SLC35F4: variants seen among roughly 807,000 people sequenced by gnomAD.
SLC35F4 encodes chromosome 14 open reading frame 36.
Under a neutral mutation model 44.2 loss-of-function variants are expected in SLC35F4, and 24 were observed. That is an observed-to-expected ratio of 0.54 (90% CI 0.39 to 0.76). The LOEUF (loss-of-function observed/expected upper bound fraction) is 0.76. Ranked by LOEUF, SLC35F4 falls within the 30% of genes least tolerant of loss-of-function variation. The pLI, the probability that SLC35F4 is intolerant of heterozygous loss-of-function variation, is 0.00. For synonymous variants in SLC35F4, 238 were observed against 223.6 expected (o/e 1.06, Z -0.57); for missense variants, 562 against 586.1 (o/e 0.96, Z 0.42).
chr14:57,630,732 A>C (rs1029081305), intron 1 of SLC35F4: 2 of 527,874 alleles, frequency 3.8e-6, no homozygotes, highest in African/African-American at 3.8e-5. Flanking sequence ...TCATTCACTT[A>C]TTCATAGTTT....
At chr14:57,833,943 A>G (rs563228144) in intron 1 of SLC35F4, among the ~76,000 whole-genome samples, 71 of 152,358 alleles carry the variant, frequency 4.7e-4, no homozygotes, top group African/African-American at 1.6e-3. Context: ...TTACCATAGG[A>G]ATCTTTTTGT....
intron 1 of SLC35F4, among the ~76,000 whole-genome samples, chr14:57,967,242 A>T (rs994170197): frequency 1.7e-4 from 25 of 151,318 alleles, no homozygotes; most frequent in Non-Finnish European, 2.9e-5. Context: ...TTAATTGTGT[A>T]AGTATAAATA....
intron 1 of SLC35F4, among the ~76,000 whole-genome samples, chr14:57,811,992 AAAT>A (rs1404735293): frequency 2.0e-5 from 3 of 152,106 alleles, no homozygotes; most frequent in African/African-American, 7.2e-5. Context: ...TAAAAATAAA[AAAT>A]AATAATAAGG....
chr14:57,656,657 A>G (rs971419838), intron 1 of SLC35F4, among the ~76,000 whole-genome samples: 1 of 152,020 alleles, frequency 6.6e-6, no homozygotes, highest in African/African-American at 2.4e-5. Context: ...CCCTCTGTAA[A>G]GTGGGGATAA....
intron 1 of SLC35F4, among the ~76,000 whole-genome samples, chr14:57,905,510 T>C (rs1889090134): frequency 6.6e-6 from 1 of 152,262 alleles, no homozygotes; most frequent in African/African-American, 2.4e-5. Flanking sequence ...GCTAGTCCTC[T>C]GGCACTTAGC....
chr14:57,915,588 A>G (rs7145786), intron 1 of SLC35F4, among the ~76,000 whole-genome samples: 2 of 151,990 alleles, frequency 1.3e-5, no homozygotes, highest in African/African-American at 2.4e-5. Flanking sequence ...CACCCGATAT[A>G]CTATTTTATC....
intron 2 of SLC35F4, among the ~76,000 whole-genome samples, chr14:57,590,604 G>A (rs2070112240): frequency 6.6e-6 from 1 of 152,116 alleles, no homozygotes; most frequent in East Asian, 1.9e-4. Flanking sequence ...AATCATGAAG[G>A]CTGTCTCCCT....
chr14:57,941,132 G>C (rs1889910034), intron 1 of SLC35F4, among the ~76,000 whole-genome samples: 1 of 152,022 alleles, frequency 6.6e-6, no homozygotes, highest in South Asian at 2.1e-4. Flanking sequence ...GAAAATAGTT[G>C]GTTCCTGAAA....
At chr14:57,931,894 G>A (rs914591840) in intron 1 of SLC35F4, among the ~76,000 whole-genome samples, 2 of 152,162 alleles carry the variant, frequency 1.3e-5, no homozygotes, top group Non-Finnish European at 2.9e-5. Flanking sequence ...CCCCCATGTG[G>A]GCAAAACTCT....
chr14:57,857,206 G>C (rs911695023), intron 1 of SLC35F4, among the ~76,000 whole-genome samples: 1 of 151,858 alleles, frequency 6.6e-6, no homozygotes, highest in East Asian at 1.9e-4. Context: ...GAACCTGGGA[G>C]GCGGAGGTTG....
In SLC35F4 at chr14:57,626,121, A is replaced by G. The variant is rs370969067; in HGVS notation, c.104-31997T>C. Reference sequence around the variant, plus strand: ...TTCACTCATAAGTGGGAGTTTAACAATGAGAACACATGGACACAGGGAGGG... The same window carrying G: ...TTCACTCATAAGTGGGAGTTTAACAGTGAGAACACATGGACACAGGGAGGG... On this transcript the variant is annotated intron_variant, in intron 1 of 7. Transcript: ENST00000556826. 3.5e-4 allele frequency among the ~76,000 whole-genome samples: 51 copies of G among 146,718 alleles called. No homozygotes were observed. In the South Asian group the frequency reaches 4.9e-3, roughly 14 times the overall value.
At chr14:57,684,388 G>C (rs59743353) in intron 1 of SLC35F4, among the ~76,000 whole-genome samples, 22,515 of 152,106 alleles carry the variant, frequency 0.15, 1,900 homozygotes, top group East Asian at 0.29. Flanking sequence ...ATGGCTTCAG[G>C]ATAAAACTTC....
intron 1 of SLC35F4, among the ~76,000 whole-genome samples, chr14:57,895,845 C>T (rs1286144324): frequency 1.3e-5 from 2 of 151,988 alleles, no homozygotes; most frequent in Admixed American, 1.3e-4. Flanking sequence ...AGAAGGGAAT[C>T]CTAAGGCGGG....
chr14:57,687,849 C>A (rs2075111670), intron 1 of SLC35F4, among the ~76,000 whole-genome samples: 1 of 152,080 alleles, frequency 6.6e-6, no homozygotes, highest in Non-Finnish European at 1.5e-5. Flanking sequence ...AGAATATAAA[C>A]AAGAGAACTC....
intron 3 of SLC35F4, among the ~76,000 whole-genome samples, chr14:57,584,831 T>C (rs770244351): frequency 1.6e-4 from 24 of 152,194 alleles, no homozygotes; most frequent in Non-Finnish European, 3.4e-4. Context: ...TATAAAACTT[T>C]TGTTGTTTTA....
chr14:57,859,347 TA>T (rs1421538866), intron 1 of SLC35F4, among the ~76,000 whole-genome samples: 1 of 152,090 alleles, frequency 6.6e-6, no homozygotes, highest in African/African-American at 2.4e-5. Flanking sequence ...TCCATGGGCA[TA>T]AAAAAGACTG....
intron 1 of SLC35F4, among the ~76,000 whole-genome samples, chr14:57,792,764 G>C (rs1479297830): frequency 6.6e-6 from 1 of 152,022 alleles, no homozygotes; most frequent in Non-Finnish European, 1.5e-5. Context: ...ATGGACTCTG[G>C]GGACTCAAGG....
chr14:57,752,566 T>C (rs1180919134), intron 1 of SLC35F4, among the ~76,000 whole-genome samples: 2 of 151,990 alleles, frequency 1.3e-5, no homozygotes, highest in East Asian at 1.9e-4. Flanking sequence ...GTTCAAGCTG[T>C]TCTTCTGCCT....
rs113183261 is a variant in SLC35F4 at position 57,639,289 on chromosome 14, G to A, written c.104-45165C>T. Reference sequence around the variant, plus strand: ...CCTAAATATATCCTGCCTCATTAATGACACAAGATATACCACTTCTCATCC... The same window carrying A: ...CCTAAATATATCCTGCCTCATTAATAACACAAGATATACCACTTCTCATCC... On this transcript the variant is annotated intron_variant, in intron 1 of 7. Transcript: ENST00000556826. Among the ~76,000 whole-genome samples, 509 of 152,092 alleles carry A rather than the reference G, an allele frequency of 3.3e-3. 5 individuals carry two copies. The highest frequency in any genetic ancestry group is 0.012 in the African/African-American group (487 of 41,514).
Sources: gnomAD v4.1 joint callset for allele counts (sites outside exome capture counted in the v4.1 genomes callset) on GRCh38, gnomAD v4.1.1 for gene constraint, MANE v1.5 for transcripts, NCBI Gene and HGNC (gene_info 2026-07-23, HGNC 2026-07-21) for gene names.